Variants in NBAS observed in about 807,000 individuals in gnomAD.
NBAS encodes the protein NAG/BC035112 fusion.
NBAS carries 219 observed loss-of-function variants against 302.5 expected under a neutral mutation model. The observed-to-expected ratio is 0.72, with a 90% confidence interval of 0.65 to 0.81. NBAS has a LOEUF of 0.81. NBAS is among the 30% of genes least tolerant of loss of function. The pLI is 0.00. For synonymous variants in NBAS, 1,118 were observed against 1,021.6 expected (o/e 1.09, Z -1.80); for missense variants, 2,932 against 2,841.6 (o/e 1.03, Z -0.72).
At chr2:15,166,480 C>T (rs1015946813), downstream of NBAS, among the ~76,000 whole-genome samples, 28 of 152,196 alleles carry the variant, frequency 1.8e-4, no homozygotes, top group African/African-American at 6.5e-4. Context: ...AATATTTCTT[C>T]AGCTCCGGCT....
chr2:15,017,957 G>A, the NBAS span, among the ~76,000 whole-genome samples: 1,387 of 152,134 alleles, frequency 9.1e-3, 14 homozygotes, highest in Non-Finnish European at 0.014. Context: ...ATATTATTTA[G>A]CCATTAAAAA....
chr2:14,876,028 G>A, the NBAS span, among the ~76,000 whole-genome samples: 1 of 152,204 alleles, frequency 6.6e-6, no homozygotes, highest in East Asian at 1.9e-4. Flanking sequence ...AAATTTAATG[G>A]GGATGTGATG....
chr2:15,166,837 T>G, downstream of NBAS: 2 of 516,158 alleles, frequency 3.9e-6, no homozygotes, highest in Non-Finnish European at 6.3e-6. Flanking sequence ...GAAGGAAGAG[T>G]CTCTTAATCA....
At chr2:15,406,103 T>TAAAAAAA (rs71400653) in intron 25 of NBAS, among the ~76,000 whole-genome samples, 3 of 115,054 alleles carry the variant, frequency 2.6e-5, no homozygotes, top group African/African-American at 3.5e-5. Context: ...CAATAACATG[T>TAAAAAAA]AAAAAAAAAA....
the NBAS span, among the ~76,000 whole-genome samples, chr2:15,141,283 A>G: frequency 6.6e-6 from 1 of 152,124 alleles, no homozygotes; most frequent in African/African-American, 2.4e-5. Flanking sequence ...GTTTAAACCC[A>G]ACATGTGTAT....
chr2:15,203,457 G>C (rs538613045), intron 48 of NBAS, among the ~76,000 whole-genome samples: 1 of 152,292 alleles, frequency 6.6e-6, no homozygotes, highest in African/African-American at 2.4e-5. Context: ...GATTTCTGTT[G>C]TACTTCTAGA....
the NBAS span, among the ~76,000 whole-genome samples, chr2:15,000,759 G>C: frequency 6.6e-6 from 1 of 152,190 alleles, no homozygotes; most frequent in Middle Eastern, 3.2e-3. Context: ...GGCAAGCGGT[G>C]TGCAAAGCAT....
the NBAS span, among the ~76,000 whole-genome samples, chr2:14,815,197 C>A: frequency 6.6e-6 from 1 of 152,132 alleles, no homozygotes; most frequent in South Asian, 2.1e-4. Flanking sequence ...AAATGCCAAG[C>A]TTTTTCAGAT....
At chr2:15,534,500 C>T (rs1663385993) in intron 9 of NBAS, 43 bp downstream of exon 9, 2 of 1,378,002 alleles carry the variant, frequency 1.5e-6, no homozygotes, top group African/African-American at 1.4e-5. Flanking sequence ...TCTATGCCAA[C>T]ATTTCTATGT....
the NBAS span, among the ~76,000 whole-genome samples, chr2:15,066,281 G>GA: frequency 6.6e-6 from 1 of 152,140 alleles, no homozygotes; most frequent in African/African-American, 2.4e-5. Context: ...ATTTTACTAG[G>GA]AAAAACCTTC....
chr2:15,443,020 C>T (rs1171084871), intron 21 of NBAS, among the ~76,000 whole-genome samples: 1 of 151,698 alleles, frequency 6.6e-6, no homozygotes, highest in African/African-American at 2.4e-5. Flanking sequence ...AATAGCTTAC[C>T]AACCAAAAAG....
At chr2:15,058,112 G>T in the NBAS span, among the ~76,000 whole-genome samples, 1 of 152,188 alleles carries the variant, frequency 6.6e-6, no homozygotes, top group Admixed American at 6.5e-5. Context: ...CAAAGGAAAA[G>T]AAGTTATTAT....
the NBAS span, among the ~76,000 whole-genome samples, chr2:15,001,714 C>T: frequency 1.3e-5 from 2 of 151,908 alleles, no homozygotes; most frequent in African/African-American, 4.8e-5. Flanking sequence ...CTTAAGGTGG[C>T]GCGTCTGGAG....
the NBAS span, among the ~76,000 whole-genome samples, chr2:14,781,199 T>A: frequency 6.6e-6 from 1 of 152,222 alleles, no homozygotes; most frequent in South Asian, 2.1e-4. Context: ...TGGTATTCCA[T>A]GAGATTTCCA....
intron 44 of NBAS, among the ~76,000 whole-genome samples, chr2:15,243,930 A>G (rs886978920): frequency 6.6e-6 from 1 of 152,212 alleles, no homozygotes. Flanking sequence ...TAGAAGATTA[A>G]AATGATTCAG....
At chr2:15,433,924 C>A (rs1677883312) in intron 21 of NBAS, among the ~76,000 whole-genome samples, 1 of 151,264 alleles carries the variant, frequency 6.6e-6, no homozygotes. Flanking sequence ...CAGAGCAAGA[C>A]CTCATCTCTT....
At position 15,415,547 on chromosome 2, in the gene NBAS, T is replaced by C. The variant is rs776271105; in HGVS notation, c.2936A>G (p.Asp979Gly). ...PLKIFQHSKP[D>G]LQQKIIPDQD... Reference sequence around the variant, plus strand: ...TTTAAGAAGTTAGTTTCTACTTACATCTGGTTTGGAATGCTGAAATATCTT... The same window carrying C: ...TTTAAGAAGTTAGTTTCTACTTACACCTGGTTTGGAATGCTGAAATATCTT... Residue 979 changes from aspartate (D) to glycine (G), a missense_variant and splice_region_variant, in exon 25 of 52, where the codon GAT becomes GGT. Asp to Gly is a moderately conservative substitution (Grantham distance 94). Coordinates refer to ENST00000281513, the MANE Select transcript of NBAS (RefSeq NM_015909.4). 1.8e-5 allele frequency: 29 copies of C among 1,613,842 alleles called. No homozygotes were observed. Among genetic ancestry groups the C allele is most frequent in the Non-Finnish European group, 2.5e-5 (29 of 1,179,830 alleles).
chr2:15,385,230 T>C (rs945733025), intron 28 of NBAS, among the ~76,000 whole-genome samples: 4 of 152,236 alleles, frequency 2.6e-5, no homozygotes, highest in Non-Finnish European at 4.4e-5. Flanking sequence ...ATTAACTCTT[T>C]AGCCTTCAAA....
chr2:15,034,558 G>T, the NBAS span, among the ~76,000 whole-genome samples: 1 of 152,240 alleles, frequency 6.6e-6, no homozygotes, highest in East Asian at 1.9e-4. Flanking sequence ...TTGACAAAAA[G>T]CAAAGAAAAA....
Sources: gnomAD v4.1 joint callset for allele counts (sites outside exome capture counted in the v4.1 genomes callset) on GRCh38, gnomAD v4.1.1 for gene constraint, MANE v1.5 for transcripts, NCBI Gene and HGNC (gene_info 2026-07-23, HGNC 2026-07-21) for gene names.